Variants in TRERF1 observed in about 807,000 individuals in gnomAD.
TRERF1 encodes transcriptional regulating factor 1.
A neutral mutation model predicts 122.9 loss-of-function variants in TRERF1; 27 were observed. The ratio of observed to expected loss-of-function variants is 0.22; its 90% CI spans 0.16 to 0.30. The LOEUF (loss-of-function observed/expected upper bound fraction) is 0.30, where lower values mean the gene tolerates loss of function less well. TRERF1 is among the 10% of genes least tolerant of loss of function. The pLI is 1.00. For synonymous variants in TRERF1, 636 were observed against 641.7 expected, an observed-to-expected ratio of 0.99 and a Z score of 0.13; for missense variants, 1,248 against 1,560.3, an observed-to-expected ratio of 0.80 and a Z score of 3.37.
chr6:42,293,993 T>C (rs981919364), intron 4 of TRERF1, among the ~76,000 whole-genome samples: 1 of 152,026 alleles, frequency 6.6e-6, no homozygotes, highest in Admixed American at 6.5e-5. Context: ...TATCAGGATA[T>C]TGAGATACTA....
chr6:42,421,274 T>G (rs1408944368), intron 2 of TRERF1, among the ~76,000 whole-genome samples: 1 of 152,154 alleles, frequency 6.6e-6, no homozygotes, highest in Non-Finnish European at 1.5e-5. Flanking sequence ...GAACAATGGC[T>G]TTCAAACTTT....
At chr6:42,253,057 A>G (rs1457565754) in intron 13 of TRERF1, among the ~76,000 whole-genome samples, 1 of 152,202 alleles carries the variant, frequency 6.6e-6, no homozygotes, top group African/African-American at 2.4e-5. Flanking sequence ...CAAGAGATCA[A>G]TTAATTGTTG....
At chr6:42,371,904 G>A (rs895256063) in intron 2 of TRERF1, among the ~76,000 whole-genome samples, 9 of 152,144 alleles carry the variant, frequency 5.9e-5, no homozygotes, top group Non-Finnish European at 4.4e-5. Flanking sequence ...AACTAAGGCT[G>A]GGCGCAGTGG....
intron 2 of TRERF1, among the ~76,000 whole-genome samples, chr6:42,410,229 C>T (rs1016989190): frequency 6.6e-6 from 1 of 152,158 alleles, no homozygotes; most frequent in Non-Finnish European, 1.5e-5. Flanking sequence ...GAGTCTCAGC[C>T]TCTGGGGCTC....
intron 2 of TRERF1, among the ~76,000 whole-genome samples, 172 bp downstream of exon 2, chr6:42,451,005 G>A (rs1419749474): frequency 6.6e-6 from 1 of 152,096 alleles, no homozygotes; most frequent in Admixed American, 6.5e-5. Flanking sequence ...GCCCGGAGAG[G>A]GAAGAAGGGA....
intron 4 of TRERF1, among the ~76,000 whole-genome samples, chr6:42,294,372 G>A (rs1245272951): frequency 6.6e-6 from 1 of 151,594 alleles, no homozygotes; most frequent in Non-Finnish European, 1.5e-5. Flanking sequence ...AGTAGAGACA[G>A]GGTTTCACCA....
chr6:42,344,450 C>T lies in TRERF1; in HGVS notation c.-371+18547G>A, dbSNP rs554864863. On this transcript the variant is annotated intron_variant, in intron 3 of 17. Transcript: ENST00000372922. ...AGAAGATGAGTTATTTACCCAAAACCGTGTAGCTAGTAAGCAACGAGGTCA... is the reference window on the plus strand; with the variant it reads ...AGAAGATGAGTTATTTACCCAAAACTGTGTAGCTAGTAAGCAACGAGGTCA... Among the ~76,000 whole-genome samples, 20 of 152,234 alleles carry T rather than the reference C, an allele frequency of 1.3e-4. No homozygotes were observed. The South Asian group carries it at 3.7e-3, about 28-fold the overall frequency.
chr6:42,244,535 C>T (rs1165332402), intron 14 of TRERF1, among the ~76,000 whole-genome samples: 1 of 152,204 alleles, frequency 6.6e-6, no homozygotes, highest in African/African-American at 2.4e-5. Context: ...TATTCCCTCC[C>T]CCACCATCTT....
intron 3 of TRERF1, among the ~76,000 whole-genome samples, chr6:42,343,758 A>T (rs1384422090): frequency 6.6e-6 from 1 of 152,234 alleles, no homozygotes; most frequent in Non-Finnish European, 1.5e-5. Flanking sequence ...TACTACAGAC[A>T]TGAGGATAGG....
At position 42,366,681 on chromosome 6, in the gene TRERF1, G is replaced by T. The variant is rs567218660; in HGVS notation, c.-453-3602C>A. Among the ~76,000 whole-genome samples the T allele has an allele frequency of 4.6e-5, 7 of 152,330 alleles. No homozygotes were observed. In the East Asian group the frequency reaches 1.3e-3, roughly 29 times the overall value. On this transcript the variant is annotated intron_variant, in intron 2 of 17. Transcript: ENST00000372922. ...GTGGAGAAGCTCATGGTGACTGGCA[G>T]AACAGTCAGGACTGGGCAACCAGAA...
chr6:42,272,408 G>A lies in TRERF1; in HGVS notation c.-258-2560C>T, dbSNP rs574133314. On this transcript the variant is annotated intron_variant, in intron 4 of 17. Transcript: ENST00000372922. ...CTGCAGCAGTGAAAGGATGCTGGGC[G>A]TGAGAGTGCTGAGCTTCAGAAGCAA... Among the ~76,000 whole-genome samples, 3 of 152,192 alleles carry A rather than the reference G, an allele frequency of 2.0e-5. 1 individual carries two copies. The highest frequency in any genetic ancestry group is 1.3e-4 in the Admixed American group (2 of 15,278).
intron 12 of TRERF1, among the ~76,000 whole-genome samples, chr6:42,255,987 C>G (rs1209511737): frequency 1.3e-5 from 2 of 151,932 alleles, no homozygotes; most frequent in African/African-American, 4.8e-5. Flanking sequence ...AAAAACTAGC[C>G]AGGCATGGTG....
chr6:42,312,152 G>A (rs1181029118), intron 3 of TRERF1, among the ~76,000 whole-genome samples: 1 of 152,144 alleles, frequency 6.6e-6, no homozygotes, highest in African/African-American at 2.4e-5. Context: ...GGGAGTCAGG[G>A]ATGAGGGCAG....
intron 2 of TRERF1, among the ~76,000 whole-genome samples, chr6:42,371,584 T>C (rs1047794898): frequency 6.6e-6 from 1 of 152,138 alleles, no homozygotes; most frequent in African/African-American, 2.4e-5. Flanking sequence ...GTATCCAAAC[T>C]TCTGGGGCTC....
At chr6:42,258,817 C>T (rs1777252552) in intron 9 of TRERF1, among the ~76,000 whole-genome samples, 1 of 152,170 alleles carries the variant, frequency 6.6e-6, no homozygotes, top group South Asian at 2.1e-4. Flanking sequence ...TCACTGCAAC[C>T]TCTGCCTCCC....
intron 3 of TRERF1, 141 bp downstream of exon 3, chr6:42,362,856 C>T (rs1772025421): frequency 6.5e-6 from 1 of 153,806 alleles, no homozygotes; most frequent in Non-Finnish European, 1.5e-5. Context: ...AGAAAATTTT[C>T]TAGAAATTAA....
intron 3 of TRERF1, among the ~76,000 whole-genome samples, chr6:42,322,118 T>C (rs1326637068): frequency 3.3e-5 from 5 of 152,092 alleles, no homozygotes; most frequent in Admixed American, 6.5e-5. Flanking sequence ...GGAAGTACTG[T>C]TGTTAAGAAA....
At chr6:42,253,739 A>G (rs1399951346) in intron 13 of TRERF1, among the ~76,000 whole-genome samples, 2 of 152,216 alleles carry the variant, frequency 1.3e-5, no homozygotes, top group African/African-American at 2.4e-5. Flanking sequence ...AGGCTCGTTC[A>G]TGAAAGAGGA....
At chr6:42,277,928 A>AAGAAGAAGC (rs1243648723) in intron 4 of TRERF1, among the ~76,000 whole-genome samples, 26 of 147,420 alleles carry the variant, frequency 1.8e-4, no homozygotes, top group African/African-American at 6.6e-4. Context: ...GAAGAAGAAG[A>AAGAAGAAGC]AGAAGAAGAA....
Sources: gnomAD v4.1 joint callset for allele counts (sites outside exome capture counted in the v4.1 genomes callset) on GRCh38, gnomAD v4.1.1 for gene constraint, MANE v1.5 for transcripts, NCBI Gene and HGNC (gene_info 2026-07-23, HGNC 2026-07-21) for gene names.